ASB18: variants seen among roughly 807,000 people sequenced by gnomAD.
ASB18 encodes ankyrin repeat and SOCS box containing 18, also known as ankyrin repeat and SOCS box protein 18.
In ASB18, 33 loss-of-function variants were observed where a neutral mutation model predicts 33.4. The ratio of observed to expected loss-of-function variants is 0.99; its 90% CI spans 0.75 to 1.32. ASB18 has a LOEUF of 1.32. Ranked by LOEUF, ASB18 falls within the 40% of genes most tolerant of loss-of-function variation. The pLI is 0.00. For synonymous variants in ASB18, 295 were observed against 307.6 expected (o/e 0.96, Z 0.43); for missense variants, 694 against 655.5 (o/e 1.06, Z -0.64).
In ASB18 at chr2:236,200,164, T is replaced by G. The variant is rs955000518; in HGVS notation, c.1102-3779A>C. Among the ~76,000 whole-genome samples, 5 of 152,118 alleles carry G rather than the reference T, an allele frequency of 3.3e-5. No individual in the cohort carries two copies. The highest frequency in any genetic ancestry group is 1.3e-4 in the Admixed American group (2 of 15,286). ...GAGTTCGATACTAGCCTGGCCAACA[T>G]GGTGAAGCTCCATCTCTACTAAAAA... On this transcript the variant is annotated intron_variant, in intron 4 of 5. Transcript: ENST00000409749. This position sits in a 1 kb window ranked among gnomAD's most constrained non-coding sequence, Gnocchi z 4.2.
chr2:236,199,115 G>T (rs560394819), intron 4 of ASB18, among the ~76,000 whole-genome samples: 1 of 152,202 alleles, frequency 6.6e-6, no homozygotes, highest in Non-Finnish European at 1.5e-5. Context: ...CAAGTTGATA[G>T]AAAAAGATTT....
At chr2:236,212,358 AAC>A (rs2060462560) in intron 4 of ASB18, among the ~76,000 whole-genome samples, 1 of 152,156 alleles carries the variant, frequency 6.6e-6, no homozygotes, top group African/African-American at 2.4e-5. Flanking sequence ...CAGCCTTGGA[AAC>A]AGAGTCCAGG....
In ASB18 at chr2:236,225,458, G is replaced by A. The variant is rs1176907235; in HGVS notation, c.597-10592C>T. On this transcript the variant is annotated intron_variant, in intron 3 of 5. Transcript: ENST00000409749. This position sits in a 1 kb window ranked among gnomAD's most constrained non-coding sequence, Gnocchi z 5.1. Reference sequence around the variant, plus strand: ...GAATTAACACACCTGGGACAAAAAAGTAAACTTGCATGCTTTTCATTAATA... The same window carrying A: ...GAATTAACACACCTGGGACAAAAAAATAAACTTGCATGCTTTTCATTAATA... Among the ~76,000 whole-genome samples, 6 of 152,186 alleles carry A rather than the reference G, an allele frequency of 3.9e-5. No homozygotes were observed. Among genetic ancestry groups the A allele is most frequent in the Non-Finnish European group, 7.3e-5 (5 of 68,042 alleles).
rs2060620295 is a variant in ASB18, at chr2:236,241,359, C to G, written c.249G>C (p.Gln83His). 2 of 1,613,990 alleles carry G rather than the reference C, an allele frequency of 1.2e-6. No individual in the cohort carries two copies. Among genetic ancestry groups the G allele is most frequent in the Non-Finnish European group, 1.7e-6 (2 of 1,179,876 alleles). The change falls in exon 2 of 6, where the codon CAG (glutamine) becomes CAC (histidine). Residue 83 changes from glutamine to histidine, a missense_variant. Coordinates refer to ENST00000409749, the MANE Select transcript of ASB18 (RefSeq NM_212556.4). The surrounding 1 kb of genome is among the most constrained non-coding windows in gnomAD (Gnocchi z 4.2). ...TGATCTCAAACACCACGTTGGCATC[C>G]TGGAAGAACTGGTCCATGAGGGGCT... ...HLKPLMDQFF[Q>H]DANVVFEINK...
chr2:236,235,230 T>C lies in ASB18; in HGVS notation c.596+2459A>G, dbSNP rs1365205182. 6.6e-6 allele frequency among the ~76,000 whole-genome samples: 1 copy of C among 152,196 alleles called. No homozygotes were observed. The highest frequency in any genetic ancestry group is 1.9e-4 in the East Asian group (1 of 5,202). On this transcript the variant is annotated intron_variant, in intron 3 of 5. Transcript: ENST00000409749. This position sits in a 1 kb window ranked among gnomAD's most constrained non-coding sequence, Gnocchi z 6.2. ...ATATACAATAGTGGTCCCATAAGAT[T>C]ATACTGTACGTTTTCTATGTTTAGA... is the stretch of plus-strand genomic sequence containing the variant.
In ASB18 at chr2:236,223,798, T is replaced by C. The variant is rs1222627807; in HGVS notation, c.597-8932A>G. ...TCCACTTTTTTGTATCTGGCTTCTT[T>C]TGCTCAGCATCATGCTGTTCACATT... On this transcript the variant is annotated intron_variant, in intron 3 of 5. Coordinates refer to ENST00000409749, the MANE Select transcript of ASB18 (RefSeq NM_212556.4). This position sits in a 1 kb window ranked among gnomAD's most constrained non-coding sequence, Gnocchi z 4.6. 6.6e-6 allele frequency among the ~76,000 whole-genome samples: 1 copy of C among 152,234 alleles called. No individual in the cohort carries two copies. Among genetic ancestry groups the C allele is most frequent in the Non-Finnish European group, 1.5e-5 (1 of 68,042 alleles).
chr2:236,201,376 A>G (rs2060401195), intron 4 of ASB18, among the ~76,000 whole-genome samples: 1 of 151,520 alleles, frequency 6.6e-6, no homozygotes, highest in Admixed American at 6.6e-5. Flanking sequence ...CTGGTTTTGA[A>G]CTCCTGGGTT....
At chr2:236,236,452 G>T (rs1400889447) in intron 3 of ASB18, among the ~76,000 whole-genome samples, 1 of 152,140 alleles carries the variant, frequency 6.6e-6, no homozygotes, top group East Asian at 1.9e-4. Flanking sequence ...CATGGACTGC[G>T]GGGTGTTGCA....
Position 236,234,448 on chromosome 2 carries a change from C to T in ASB18, c.596+3241G>A, listed in dbSNP as rs866819936. 2.0e-5 allele frequency among the ~76,000 whole-genome samples: 3 copies of T among 152,112 alleles called. No individual in the cohort carries two copies. On this transcript the variant is annotated intron_variant, in intron 3 of 5. Transcript: ENST00000409749. The surrounding 1 kb of genome is among the most constrained non-coding windows in gnomAD (Gnocchi z 4.1). ...CCAGCCCCTTTTGTCTAGGTGTTAT[C>T]CTTTTTGGTGTGTGGCATAAAGATT...
chr2:236,246,346 CAAAAAAAAAAA>C lies in ASB18; in HGVS notation c.206-4955_206-4945del, dbSNP rs60064230. Among the ~76,000 whole-genome samples the C allele has an allele frequency of 1.1e-3, 36 of 32,720 alleles. No homozygotes were observed. The South Asian group carries it at 0.012, about 11-fold the overall frequency. The allele number at this position is 32,720 out of a possible 152,430, so 21.5% of individuals were successfully genotyped here. A position where few individuals can be genotyped will look rare whatever the true frequency, so the allele number is the denominator to read the frequency against. ...TGGGTGACAGAGCAAGACTCCATCT[CAAAAAAAAAAA>C]AAAAAAAAAAAAAAAAAAAAAGACC... On this transcript the variant is annotated intron_variant, in intron 1 of 5. Coordinates refer to ENST00000409749, the MANE Select transcript of ASB18 (RefSeq NM_212556.4).
Position 236,194,006 on chromosome 2 carries a change from A to T in ASB18, c.*866T>A, listed in dbSNP as rs2060359487. ...TCCAGGCCTGGTTCCTGCCCTGCAC[A>T]CTGAGTTGCTGGGGTGGACTCTGGC... On this transcript the variant is annotated 3_prime_UTR_variant, in exon 6 of 6. Transcript: ENST00000409749. This position sits in a 1 kb window ranked among gnomAD's most constrained non-coding sequence, Gnocchi z 4.5. Among the ~76,000 whole-genome samples, 1 of 152,188 alleles carries T rather than the reference A, an allele frequency of 6.6e-6. No homozygotes were observed. Among genetic ancestry groups the T allele is most frequent in the Non-Finnish European group, 1.5e-5 (1 of 68,030 alleles).
At chr2:236,197,770 C>T (rs1002344902) in intron 4 of ASB18, among the ~76,000 whole-genome samples, 2 of 150,982 alleles carry the variant, frequency 1.3e-5, no homozygotes, top group African/African-American at 2.4e-5. Flanking sequence ...TGCGGTGAGC[C>T]GAGATTGTGC....
chr2:236,206,690 G>A (rs2060435837), intron 4 of ASB18, among the ~76,000 whole-genome samples: 1 of 152,204 alleles, frequency 6.6e-6, no homozygotes, highest in African/African-American at 2.4e-5. Flanking sequence ...TCAGGCAAAG[G>A]AAACCACTCT....
intron 4 of ASB18, among the ~76,000 whole-genome samples, chr2:236,210,016 G>T (rs2060452155): frequency 6.6e-6 from 1 of 152,206 alleles, no homozygotes; most frequent in Non-Finnish European, 1.5e-5. Flanking sequence ...CTGCCCCCCA[G>T]CCAGGTGAAA....
At position 236,215,260 on chromosome 2, in the gene ASB18, T is replaced by C. The variant is rs1416509536; in HGVS notation, c.597-394A>G. ...CAGTCACAGTTCTAAGGAGAGGCCC[T>C]TGGGGGTCAGACTCTTTCCCGGCCC... On this transcript the variant is annotated intron_variant, in intron 3 of 5. Transcript: ENST00000409749. This position sits in a 1 kb window ranked among gnomAD's most constrained non-coding sequence, Gnocchi z 7.2. 6.6e-6 allele frequency among the ~76,000 whole-genome samples: 1 copy of C among 152,082 alleles called. No individual in the cohort carries two copies. The highest frequency in any genetic ancestry group is 1.5e-5 in the Non-Finnish European group (1 of 68,022).
In ASB18 at chr2:236,208,186, A is replaced by G. The variant is rs10929174; in HGVS notation, c.1101+6176T>C. 0.17 allele frequency among the ~76,000 whole-genome samples: 26,125 copies of G among 152,046 alleles called. 2,262 individuals carry two copies. The highest frequency in any genetic ancestry group is 0.25 in the South Asian group (1,192 of 4,798). On this transcript the variant is annotated intron_variant, in intron 4 of 5. Transcript: ENST00000409749. This position sits in a 1 kb window ranked among gnomAD's most constrained non-coding sequence, Gnocchi z 7.7. ...GAGCATGAACACGGAGACACGGAGA[A>G]ACCAAGCCACAGAGGGAGTGCCTGG...
In ASB18 at chr2:236,241,218, C is replaced by T. The variant is rs897757061; in HGVS notation, c.328+62G>A. On this transcript the variant is annotated intron_variant, in intron 2 of 5. Transcript: ENST00000409749. The surrounding 1 kb of genome is among the most constrained non-coding windows in gnomAD (Gnocchi z 4.2). Reference sequence around the variant, plus strand: ...CCAGTCTACACACGGGAGCCTTACACTCCCAGAGAGTATTAGTAGCCCCTT... The same window carrying T: ...CCAGTCTACACACGGGAGCCTTACATTCCCAGAGAGTATTAGTAGCCCCTT... 8 of 1,563,052 alleles carry T rather than the reference C, an allele frequency of 5.1e-6. No homozygotes were observed. In the African/African-American group the frequency reaches 5.4e-5, roughly 11 times the overall value.
At chr2:236,240,892 C>G (rs554467742) in intron 2 of ASB18, among the ~76,000 whole-genome samples, 1 of 152,288 alleles carries the variant, frequency 6.6e-6, no homozygotes, top group South Asian at 2.1e-4. Context: ...TCATAAAGGA[C>G]CTCACACAGA....
In ASB18 at chr2:236,225,523, A is replaced by C. The variant is rs1479873255; in HGVS notation, c.597-10657T>G. The stretch of plus-strand genomic sequence containing the variant: ...AGCAAGTCATTCTCACTTTTGTTTA[A>C]ATCGAGACAGCTATAGACAAGAAAA... On this transcript the variant is annotated intron_variant, in intron 3 of 5. Transcript: ENST00000409749. This position sits in a 1 kb window ranked among gnomAD's most constrained non-coding sequence, Gnocchi z 5.1. 2.0e-5 allele frequency among the ~76,000 whole-genome samples: 3 copies of C among 152,226 alleles called. No individual in the cohort carries two copies. Among genetic ancestry groups the C allele is most frequent in the African/African-American group, 7.2e-5 (3 of 41,458 alleles).
Sources: gnomAD v4.1 joint callset for allele counts (sites outside exome capture counted in the v4.1 genomes callset) on GRCh38, gnomAD v4.1.1 for gene constraint, Gnocchi (gnomAD v3.1) non-coding constraint, MANE v1.5 for transcripts, NCBI Gene and HGNC (gene_info 2026-07-23, HGNC 2026-07-21) for gene names.